The following UGT2B15 variants were observed in gnomAD, a reference collection of about 807,000 sequenced individuals.
The protein encoded by UGT2B15 is UDP-glucuronosyltransferase 2B15.
Under a neutral mutation model 45.9 loss-of-function variants are expected in UGT2B15, and 36 were observed. That is an observed-to-expected ratio of 0.78 (90% CI 0.60 to 1.04). UGT2B15 has a LOEUF of 1.04. Ranked by LOEUF, UGT2B15 falls within the 50% of genes least tolerant of loss-of-function variation. UGT2B15 has a pLI of 0.00. For synonymous variants in UGT2B15, 219 were observed against 216.4 expected, an observed-to-expected ratio of 1.01 and a Z score of -0.11; for missense variants, 617 against 622.4, an observed-to-expected ratio of 0.99 and a Z score of 0.09.
intron 3 of UGT2B15, among the ~76,000 whole-genome samples, chr4:68,661,285 G>A (rs974386798): frequency 6.6e-6 from 1 of 151,976 alleles, no homozygotes; most frequent in Non-Finnish European, 1.5e-5. Flanking sequence ...TCCTTGGAGA[G>A]GCTAATCAGA....
chr4:68,666,989 C>T (rs2109835529), intron 2 of UGT2B15, among the ~76,000 whole-genome samples: 1 of 151,922 alleles, frequency 6.6e-6, no homozygotes, highest in East Asian at 1.9e-4. Context: ...TCAGGTGATC[C>T]ACCTGCCTTG....
At chr4:68,668,237 G>A (rs764862602) in intron 1 of UGT2B15, 49 bp from the exon 2 acceptor site, 2 of 1,605,840 alleles carry the variant, frequency 1.2e-6, no homozygotes, top group South Asian at 2.2e-5. Flanking sequence ...CACGAGAATT[G>A]TTATTTGAAT....
chr4:68,658,383 T>C (rs1466221975), intron 3 of UGT2B15, among the ~76,000 whole-genome samples: 2 of 152,126 alleles, frequency 1.3e-5, no homozygotes, highest in Admixed American at 1.3e-4. Context: ...AAGATAACTT[T>C]ACAATTATTG....
At chr4:68,647,474 C>G in intron 5 of UGT2B15, 91 bp from the exon 6 acceptor site, 2 of 1,370,036 alleles carry the variant, frequency 1.5e-6, no homozygotes, top group East Asian at 2.3e-5. Flanking sequence ...AAGTGTCACA[C>G]AAATGATTGA....
At chr4:68,662,218 T>A (rs189737688) in intron 3 of UGT2B15, among the ~76,000 whole-genome samples, 1 of 152,164 alleles carries the variant, frequency 6.6e-6, no homozygotes, top group East Asian at 1.9e-4. Context: ...TATTTTCTGC[T>A]CCTTCCTCAA....
At chr4:68,649,536 T>C (rs1369605353) in intron 5 of UGT2B15, among the ~76,000 whole-genome samples, 2 of 151,818 alleles carry the variant, frequency 1.3e-5, no homozygotes, top group Non-Finnish European at 2.9e-5. Context: ...CCACTTTGGC[T>C]TCCCAAAGTG....
intron 3 of UGT2B15, among the ~76,000 whole-genome samples, chr4:68,658,882 C>G (rs749709722): frequency 2.6e-5 from 4 of 151,958 alleles, no homozygotes; most frequent in Non-Finnish European, 5.9e-5. Flanking sequence ...GGGACTATCA[C>G]AGAAGAGGTG....
At chr4:68,649,352 G>T (rs1237658357) in intron 5 of UGT2B15, among the ~76,000 whole-genome samples, 6 of 129,724 alleles carry the variant, frequency 4.6e-5, no homozygotes, top group Non-Finnish European at 7.7e-5. Flanking sequence ...GATCTTGGCT[G>T]ACTGCAATTT....
In UGT2B15 at chr4:68,670,356, T is replaced by A; in HGVS notation, c.263A>T (p.Asp88Val). Residue 88 changes from aspartate (D) to valine (V), a missense_variant, in exon 1 of 6, where the codon GAT (aspartate) becomes GTT (valine). By Grantham distance (152) the Asp-to-Val change is radical. Around this residue, in one of 3 missense-constraint regions of UGT2B15, gnomAD observed 351 missense variants for 342.1 expected, o/e 1.03. Transcript: ENST00000338206. ...PTSLTKNYLE[D>V]SLLKILDRWI... is the part of the protein sequence containing the mutation. ...TCTATCGAGAATTTTCAGAAGAGAATCTTCCAAATAATTTTTAGTTAAAGA... is the reference window on the plus strand; with the variant it reads ...TCTATCGAGAATTTTCAGAAGAGAAACTTCCAAATAATTTTTAGTTAAAGA... 1 of 1,613,302 alleles carries A rather than the reference T, an allele frequency of 6.2e-7. No homozygotes were observed.
chr4:68,657,243 G>C (rs1054651559), intron 3 of UGT2B15, among the ~76,000 whole-genome samples: 14 of 151,600 alleles, frequency 9.2e-5, no homozygotes, highest in African/African-American at 3.4e-4. Context: ...GTGTCTTGGG[G>C]TTGACCCCCT....
At chr4:68,665,108 G>A (rs1230164323) in intron 2 of UGT2B15, among the ~76,000 whole-genome samples, 3 of 152,088 alleles carry the variant, frequency 2.0e-5, no homozygotes, top group Non-Finnish European at 4.4e-5. Context: ...AATGGTAATA[G>A]AAGATCAATG....
intron 3 of UGT2B15, 98 bp from the exon 4 acceptor site, chr4:68,655,280 T>C: frequency 2.8e-6 from 4 of 1,405,876 alleles, no homozygotes; most frequent in Non-Finnish European, 3.9e-6. Context: ...AGTTAATCCA[T>C]ATAAAAGATG....
intron 3 of UGT2B15, among the ~76,000 whole-genome samples, chr4:68,660,570 G>A (rs1425896079): frequency 1.8e-4 from 27 of 151,558 alleles, no homozygotes; most frequent in Admixed American, 1.7e-3. Context: ...TTGTACCATG[G>A]TTTGTCTTTA....
intron 3 of UGT2B15, among the ~76,000 whole-genome samples, chr4:68,661,941 T>C (rs1339274166): frequency 2.6e-5 from 4 of 152,112 alleles, no homozygotes; most frequent in African/African-American, 9.7e-5. Flanking sequence ...CCTTGATATA[T>C]GGTCAGCTAT....
chr4:68,647,883 T>G (rs1732530005), intron 5 of UGT2B15, among the ~76,000 whole-genome samples: 1 of 151,930 alleles, frequency 6.6e-6, no homozygotes, highest in Non-Finnish European at 1.5e-5. Flanking sequence ...CCTGGCTATA[T>G]TTTTTTATTT....
At chr4:68,650,976 C>A (rs1374809279) in intron 5 of UGT2B15, among the ~76,000 whole-genome samples, 1 of 146,930 alleles carries the variant, frequency 6.8e-6, no homozygotes, top group African/African-American at 2.5e-5. Context: ...ATATCTTTTG[C>A]CCACTTTTTG....
intron 5 of UGT2B15, 140 bp downstream of exon 5, chr4:68,653,897 G>C: frequency 1.8e-5 from 20 of 1,115,454 alleles, no homozygotes; most frequent in Non-Finnish European, 2.5e-5. Flanking sequence ...CTGTCTGGTG[G>C]AAAGTAAGGA....
chr4:68,665,641 T>A (rs535333273), intron 2 of UGT2B15, among the ~76,000 whole-genome samples: 15 of 152,310 alleles, frequency 9.8e-5, no homozygotes, highest in African/African-American at 2.9e-4. Flanking sequence ...ACAAACATTA[T>A]CTGAGAATCT....
Position 68,647,858 on chromosome 4 carries a change from C to T in UGT2B15, c.1314-475G>A, listed in dbSNP as rs192931991. Among the ~76,000 whole-genome samples, 80 of 152,110 alleles carry T rather than the reference C, an allele frequency of 5.3e-4. 3 individuals carry two copies. Among genetic ancestry groups the T allele is most frequent in the African/African-American group, 1.9e-3 (78 of 41,506 alleles). On this transcript the variant is annotated intron_variant, in intron 5 of 5. Transcript: ENST00000338206. ...GTCTCATGAGAAGCTAGGACTACAA[C>T]TGCACACCACCATGCCTGGCTATAT...
Sources: allele counts gnomAD v4.1 joint callset (sites outside exome capture counted in the v4.1 genomes callset), GRCh38; gene constraint gnomAD v4.1.1; regional missense constraint gnomAD v4.1.1; transcripts MANE v1.5; gene names NCBI Gene and HGNC (gene_info 2026-07-23, HGNC 2026-07-21).